Variants in PARD3 observed in about 807,000 individuals in gnomAD.
PARD3 encodes the protein partitioning defective 3 homolog.
A neutral mutation model predicts 155.4 loss-of-function variants in PARD3; 75 were observed. That is an observed-to-expected ratio of 0.48 (90% confidence interval 0.40 to 0.58). The LOEUF (loss-of-function observed/expected upper bound fraction) is 0.58. PARD3 is among the 20% of genes least tolerant of loss of function. The probability of loss-of-function intolerance (pLI) is 0.00; values close to 1 mark genes in which losing one functional copy is unlikely to be tolerated. For synonymous variants in PARD3, 576 were observed against 610.5 expected (o/e 0.94, Z 0.83); for missense variants, 1,642 against 1,721.7 (o/e 0.95, Z 0.82).
intron 1 of PARD3, among the ~76,000 whole-genome samples, chr10:34,741,190 T>TTTTTTTTTTTTTTTG (rs1336053440): frequency 7.2e-6 from 1 of 139,032 alleles, no homozygotes; most frequent in Non-Finnish European, 1.6e-5. Flanking sequence ...TTTTTTTTTT[T>TTTTTTTTTTTTTTTG]TTTTGTTTGA....
intron 1 of PARD3, among the ~76,000 whole-genome samples, chr10:34,729,576 G>T (rs957158771): frequency 6.6e-5 from 10 of 151,776 alleles, no homozygotes; most frequent in Non-Finnish European, 1.5e-4. Context: ...TATAAAAAAG[G>T]ATTGTTGTGA....
At chr10:34,344,034 C>T (rs954597028) in intron 15 of PARD3, 68 of 965,042 alleles carry the variant, frequency 7.0e-5, no homozygotes, top group African/African-American at 8.8e-5. Flanking sequence ...GTTCTAAATA[C>T]GTCTTCTTAA....
chr10:34,800,399 C>G (rs1292123188), intron 1 of PARD3, among the ~76,000 whole-genome samples: 1 of 152,058 alleles, frequency 6.6e-6, no homozygotes, highest in East Asian at 1.9e-4. Flanking sequence ...CACCTGAGGT[C>G]AGGAGTTCAA....
chr10:34,336,086 T>A, intron 18 of PARD3, 113 bp downstream of exon 18: 1 of 705,758 alleles, frequency 1.4e-6, no homozygotes, highest in Non-Finnish European at 2.4e-6. Flanking sequence ...TGAAAACATC[T>A]GCGTAAGACT....
intron 22 of PARD3, among the ~76,000 whole-genome samples, chr10:34,259,825 T>G (rs964922383): frequency 3.3e-5 from 5 of 152,186 alleles, no homozygotes; most frequent in Admixed American, 2.6e-4. Context: ...TTTTTCTTTT[T>G]GAGAGACAGA....
At chr10:34,611,849 G>C (rs1284497649) in intron 2 of PARD3, among the ~76,000 whole-genome samples, 1 of 123,454 alleles carries the variant, frequency 8.1e-6, no homozygotes, top group East Asian at 2.3e-4. Context: ...TTGCTCTGTC[G>C]CCCAGGCTGG....
chr10:34,499,065 A>C (rs1034679094), intron 3 of PARD3, among the ~76,000 whole-genome samples: 1 of 152,186 alleles, frequency 6.6e-6, no homozygotes, highest in Non-Finnish European at 1.5e-5. Context: ...ACAGCAGCCA[A>C]GTTCCTGAGA....
intron 22 of PARD3, among the ~76,000 whole-genome samples, chr10:34,230,962 G>T (rs1178764367): frequency 6.6e-6 from 1 of 151,976 alleles, no homozygotes; most frequent in Non-Finnish European, 1.5e-5. Flanking sequence ...GGAGTTCAAG[G>T]CTGCAGTGAG....
At chr10:34,626,051 G>A (rs2091966739) in intron 2 of PARD3, among the ~76,000 whole-genome samples, 1 of 152,214 alleles carries the variant, frequency 6.6e-6, no homozygotes, top group Non-Finnish European at 1.5e-5. Context: ...CTGCCCAGTA[G>A]TAAACAGATT....
chr10:34,273,681 A>T lies in PARD3; in HGVS notation c.3177-3782T>A, dbSNP rs185205299. On this transcript the variant is annotated intron_variant, in intron 21 of 24. Coordinates refer to ENST00000374788, the MANE Select transcript of PARD3 (RefSeq NM_001184785.2). ...TGAAGGGTACATAGGACCTCTTTGT[A>T]CTATATTCATAACTTCCTATGAATC... is the stretch of plus-strand genomic sequence containing the variant. 3.4e-3 allele frequency among the ~76,000 whole-genome samples: 518 copies of T among 152,340 alleles called. 3 individuals are homozygous for T. The highest frequency in any genetic ancestry group is 0.022 in the South Asian group (107 of 4,826).
At chr10:34,485,832 ATTTC>A (rs957014145) in intron 3 of PARD3, among the ~76,000 whole-genome samples, 5 of 148,968 alleles carry the variant, frequency 3.4e-5, no homozygotes, top group African/African-American at 1.2e-4. Flanking sequence ...AAATACTTTG[ATTTC>A]TTTAAGGTCC....
intron 2 of PARD3, among the ~76,000 whole-genome samples, chr10:34,654,157 G>A (rs1208164073): frequency 1.3e-5 from 2 of 149,638 alleles, no homozygotes; most frequent in Non-Finnish European, 3.0e-5. Flanking sequence ...CACATTTGGT[G>A]CCAGTAAAAC....
rs1319557153 is a variant in PARD3 at position 34,565,263 on chromosome 10, T to TC, written c.223-48105_223-48104insG. ...GATAAAAGACAAAGGAGCAAGGCTT[T>TC]TTTTTTTTTTTTTTTTTTTTTTTTG... On this transcript the variant is annotated intron_variant, in intron 2 of 24. Coordinates refer to ENST00000374788, the MANE Select transcript of PARD3 (RefSeq NM_001184785.2). 4.3e-5 allele frequency among the ~76,000 whole-genome samples: 5 copies of TC among 115,722 alleles called. No homozygotes were observed. The East Asian group carries it at 1.2e-3, about 27-fold the overall frequency. 75.9% of individuals were successfully genotyped at this position (115,722 alleles called of 152,430 possible).
At chr10:34,351,717 T>C (rs995889716) in intron 14 of PARD3, among the ~76,000 whole-genome samples, 2 of 152,228 alleles carry the variant, frequency 1.3e-5, no homozygotes, top group East Asian at 3.8e-4. Flanking sequence ...GCCCATGCTT[T>C]TATTGTACAC....
intron 7 of PARD3, among the ~76,000 whole-genome samples, chr10:34,386,196 G>A (rs943646021): frequency 2.0e-5 from 3 of 152,120 alleles, no homozygotes; most frequent in Non-Finnish European, 4.4e-5. Flanking sequence ...TTTTAGCGTT[G>A]AGAATCAGCA....
chr10:34,761,950 A>C, intron 1 of PARD3, among the ~76,000 whole-genome samples: 1 of 152,302 alleles, frequency 6.6e-6, no homozygotes, highest in East Asian at 1.9e-4. Flanking sequence ...AAATACATAT[A>C]TATAAAATAT....
intron 12 of PARD3, among the ~76,000 whole-genome samples, chr10:34,368,188 C>A (rs1165911357): frequency 6.6e-6 from 1 of 152,014 alleles, no homozygotes; most frequent in Admixed American, 6.6e-5. Flanking sequence ...GGCGGAGGCT[C>A]CAGTGAGCCG....
At chr10:34,147,553 T>C (rs905737891) in intron 22 of PARD3, among the ~76,000 whole-genome samples, 1 of 151,870 alleles carries the variant, frequency 6.6e-6, no homozygotes. Flanking sequence ...TAAGTTTATA[T>C]ATATAGTAAA....
At chr10:34,309,076 G>A (rs1204364221) in intron 20 of PARD3, among the ~76,000 whole-genome samples, 1 of 152,144 alleles carries the variant, frequency 6.6e-6, no homozygotes, top group Admixed American at 6.5e-5. Flanking sequence ...TGAGTGGAAG[G>A]GGTGAAGGAT....
Sources: allele counts gnomAD v4.1 joint callset (sites outside exome capture counted in the v4.1 genomes callset), GRCh38; gene constraint gnomAD v4.1.1; transcripts MANE v1.5; gene names NCBI Gene and HGNC (gene_info 2026-07-23, HGNC 2026-07-21).